Variants in ENOX2 observed in about 807,000 individuals in gnomAD.
The protein encoded by ENOX2 is ecto-NOX disulfide-thiol exchanger 2.
A neutral mutation model predicts 45.0 loss-of-function variants in ENOX2; 36 were observed. The ratio of observed to expected loss-of-function variants is 0.80; its 90% CI spans 0.61 to 1.06. ENOX2 has a LOEUF of 1.06. ENOX2 is among the 50% of genes least tolerant of loss of function. The probability of loss-of-function intolerance (pLI) is 0.00; values close to 1 mark genes in which losing one functional copy is unlikely to be tolerated. For missense variants in ENOX2, 423 were observed against 462.5 expected, an observed-to-expected ratio of 0.91 and a Z score of 0.78; for synonymous variants, 174 against 152.3, an observed-to-expected ratio of 1.14 and a Z score of -1.05.
chrX:130,898,520 A>G (rs1228885006), intron 2 of ENOX2, among the ~76,000 whole-genome samples: 1 of 109,482 alleles, frequency 9.1e-6, no homozygotes, highest in Non-Finnish European at 1.9e-5. Context: ...GTGTGTGTGT[A>G]TTATGTATAT....
chrX:130,870,625 G>T (rs978367126), intron 2 of ENOX2, among the ~76,000 whole-genome samples: 1 of 111,432 alleles, frequency 9.0e-6, no homozygotes, highest in Non-Finnish European at 1.9e-5. Context: ...GTTACAAGGA[G>T]AAAGTACAAA....
At chrX:130,711,039 G>T (rs1189234511) in intron 3 of ENOX2, among the ~76,000 whole-genome samples, 2 of 111,676 alleles carry the variant, frequency 1.8e-5, no homozygotes, top group Non-Finnish European at 3.8e-5. Flanking sequence ...CATATAGTAG[G>T]CATTCGAGAA....
chrX:130,878,300 T>C (rs2078745310), intron 2 of ENOX2, among the ~76,000 whole-genome samples: 1 of 111,872 alleles, frequency 8.9e-6, no homozygotes, highest in Non-Finnish European at 1.9e-5. Flanking sequence ...AACAATTATG[T>C]CCTTCTCACT....
rs187848074 is a variant in ENOX2 at position 130,663,306 on chromosome X, G to A, written c.1014+2337C>T. Reference sequence around the variant, plus strand: ...AGCACTTTGGGAGGCCGAGGTGGGCGGATTGCCTGAGCTCGGGAGTTCAAG... The same window carrying A: ...AGCACTTTGGGAGGCCGAGGTGGGCAGATTGCCTGAGCTCGGGAGTTCAAG... On this transcript the variant is annotated intron_variant, in intron 9 of 14. Transcript: ENST00000394363. 9.0e-5 allele frequency among the ~76,000 whole-genome samples: 10 copies of A among 111,256 alleles called. No individual in the cohort carries two copies. The East Asian group carries it at 2.0e-3, about 22-fold the overall frequency.
intron 2 of ENOX2, among the ~76,000 whole-genome samples, chrX:130,828,555 T>C (rs186719084): frequency 3.2e-4 from 36 of 112,022 alleles, no homozygotes; most frequent in African/African-American, 1.0e-3. Context: ...CATTGAGCTC[T>C]TTTTTAGCCC....
chrX:130,806,091 A>C (rs2077295434), intron 2 of ENOX2, among the ~76,000 whole-genome samples: 1 of 111,904 alleles, frequency 8.9e-6, no homozygotes, highest in South Asian at 3.7e-4. Flanking sequence ...CATTTAAACA[A>C]AGGATGCTAT....
intron 4 of ENOX2, among the ~76,000 whole-genome samples, chrX:130,693,259 T>C: frequency 8.9e-6 from 1 of 112,362 alleles, no homozygotes; most frequent in Non-Finnish European, 1.9e-5. Context: ...GGCCTTATAC[T>C]CTAGTTTGGA....
rs1004910551 is a variant in ENOX2 at position 130,631,677 on chromosome X, C to G, written c.1420-101G>C. 5.7e-5 allele frequency: 25 copies of G among 435,740 alleles called. No individual in the cohort carries two copies. The East Asian group carries it at 7.7e-4, about 14-fold the overall frequency. 35.9% of individuals were successfully genotyped at this position (435,740 alleles called of 1,213,427 possible). A position where few individuals can be genotyped will look rare whatever the true frequency, so the allele number is the denominator to read the frequency against. On this transcript the variant is annotated intron_variant, in intron 12 of 14. Coordinates refer to ENST00000394363, the MANE Select transcript of ENOX2 (RefSeq NM_006375.4). Reference sequence around the variant, plus strand: ...GTAACTTAACACAGGACCATAAAAACAATACCATTCAATTTGGATTACTGA... The same window carrying G: ...GTAACTTAACACAGGACCATAAAAAGAATACCATTCAATTTGGATTACTGA...
chrX:130,765,626 T>C (rs2039596728), intron 3 of ENOX2, among the ~76,000 whole-genome samples: 4 of 111,445 alleles, frequency 3.6e-5, no homozygotes, highest in Admixed American at 1.9e-4. Context: ...ATAATGCTGA[T>C]GAGAATTTAG....
chrX:130,673,257 G>A (rs1050633881), intron 6 of ENOX2, among the ~76,000 whole-genome samples: 2 of 110,921 alleles, frequency 1.8e-5, no homozygotes, highest in Non-Finnish European at 3.8e-5. Flanking sequence ...GCTTCCCCAC[G>A]TGAAAAGGAA....
In ENOX2 at chrX:130,883,203, C is replaced by T. The variant is rs532844040; in HGVS notation, c.-183+18481G>A. Among the ~76,000 whole-genome samples, 55 of 111,343 alleles carry T rather than the reference C, an allele frequency of 4.9e-4. No individual in the cohort carries two copies. The Middle Eastern group carries it at 0.028, about 56-fold the overall frequency. On this transcript the variant is annotated intron_variant, in intron 2 of 14. Transcript: ENST00000394363. Reference sequence around the variant, plus strand: ...TCAGCTCACTGTAACCTCTGCCTCCCGAGTTCAAGCGATTCTCCTGCTGCA... The same window carrying T: ...TCAGCTCACTGTAACCTCTGCCTCCTGAGTTCAAGCGATTCTCCTGCTGCA...
intron 2 of ENOX2, among the ~76,000 whole-genome samples, chrX:130,899,838 A>G (rs775790904): frequency 8.9e-6 from 1 of 112,351 alleles, no homozygotes; most frequent in African/African-American, 3.2e-5. Flanking sequence ...TGTTTTGGCA[A>G]TATTATTGCT....
intron 1 of ENOX2, among the ~76,000 whole-genome samples, chrX:130,902,234 G>T (rs1476396058): frequency 9.0e-6 from 1 of 111,540 alleles, no homozygotes; most frequent in East Asian, 2.8e-4. Context: ...TTATTCTGTA[G>T]AATAAAGGTG....
intron 12 of ENOX2, among the ~76,000 whole-genome samples, chrX:130,631,911 A>G (rs763543541): frequency 9.1e-6 from 1 of 109,496 alleles, no homozygotes; most frequent in Non-Finnish European, 1.9e-5. Flanking sequence ...ACTGTTAGGT[A>G]AGTATTATCT....
At chrX:130,668,043 C>T (rs1163424318) in intron 7 of ENOX2, among the ~76,000 whole-genome samples, 4 of 107,880 alleles carry the variant, frequency 3.7e-5, no homozygotes, top group African/African-American at 1.4e-4. Context: ...TTGCAAATTT[C>T]TTACCCTCTC....
intron 9 of ENOX2, 65 bp downstream of exon 9, chrX:130,665,578 A>T: frequency 1.3e-6 from 1 of 792,918 alleles, no homozygotes; most frequent in South Asian, 2.2e-5. Context: ...TAAACTCCAG[A>T]TCAATAACTT....
At chrX:130,857,150 C>A (rs1399607788) in intron 2 of ENOX2, among the ~76,000 whole-genome samples, 2 of 111,900 alleles carry the variant, frequency 1.8e-5, no homozygotes, top group African/African-American at 3.2e-5. Context: ...CTACTGATAA[C>A]GCTCAACAAC....
chrX:130,711,926 A>C lies in ENOX2; in HGVS notation c.-38-8672T>G, dbSNP rs181517904. 6.5e-3 allele frequency among the ~76,000 whole-genome samples: 719 copies of C among 111,391 alleles called. 9 individuals are homozygous for C. Among genetic ancestry groups the C allele is most frequent in the African/African-American group, 0.022 (679 of 30,641 alleles). ...GGGCGTGGTATAGTGAGGAAGAAGA[A>C]GGCCACAGAATTTGGTATGTGCCTC... On this transcript the variant is annotated intron_variant, in intron 3 of 14. Transcript: ENST00000394363.
Position 130,637,425 on chromosome X carries a change from AAAATATGAAACCATATATCCAG to A in ENOX2, c.1130-37_1130-16del. On this transcript the variant is annotated splice_polypyrimidine_tract_variant and intron_variant, in intron 10 of 14. Coordinates refer to ENST00000394363, the MANE Select transcript of ENOX2 (RefSeq NM_006375.4). ...TGATACTAAGGCTAACAATCAATAT[AAAATATGAAACCATATATCCAG>A]ATTCATTTGTGATTCATCTGGATAT... 8.5e-7 allele frequency: 1 copy of A among 1,181,155 alleles called. No homozygotes were observed. Among genetic ancestry groups the A allele is most frequent in the South Asian group, 1.8e-5 (1 of 55,124 alleles).
Sources: allele counts gnomAD v4.1 joint callset (sites outside exome capture counted in the v4.1 genomes callset), GRCh38; gene constraint gnomAD v4.1.1; transcripts MANE v1.5; gene names NCBI Gene and HGNC (gene_info 2026-07-23, HGNC 2026-07-21).